The following CEP295NL variants were observed in gnomAD, a reference collection of about 807,000 sequenced individuals.
CEP295NL encodes the protein protein DDC8 homolog.
A neutral mutation model predicts 4.6 loss-of-function variants in CEP295NL; 3 were observed. The observed-to-expected ratio is 0.65, with a 90% CI of 0.30 to 1.69. CEP295NL has a LOEUF of 1.69. Ranked by LOEUF, CEP295NL falls within the 40% of genes most tolerant of loss-of-function variation. The probability of loss-of-function intolerance (pLI) is 0.10; values close to 1 mark genes in which losing one functional copy is unlikely to be tolerated. For synonymous variants in CEP295NL, 295 were observed against 312.2 expected (o/e 0.94, Z 0.58); for missense variants, 719 against 769.0 (o/e 0.93, Z 0.77).
intron 2 of CEP295NL, among the ~76,000 whole-genome samples, chr17:78,895,517 G>A (rs1039763927): frequency 6.6e-6 from 1 of 152,182 alleles, no homozygotes; most frequent in African/African-American, 2.4e-5. Context: ...TTGGAACCCT[G>A]TGCACGCTGC....
At chr17:78,894,922 T>G (rs1317750569) in intron 2 of CEP295NL, among the ~76,000 whole-genome samples, 1 of 152,166 alleles carries the variant, frequency 6.6e-6, no homozygotes, top group Non-Finnish European at 1.5e-5. Flanking sequence ...AACAGAAGAC[T>G]TGAATCCAGA....
chr17:78,891,714 C>T lies in CEP295NL; in HGVS notation c.790G>A (p.Gly264Arg), dbSNP rs1377694991. ...NPLVAAVGEIGLVEEKEKGTA... is the reference protein window; with the variant it reads ...NPLVAAVGEIRLVEEKEKGTA... ...CCTTTCTCTTTTTCCTCCACAAGCC[C>T]GATTTCTCCCACAGCAGCCACGAGT... Residue 264 changes from glycine (G) to arginine (R), a missense_variant, in exon 3 of 3, where the codon GGG (glycine) becomes AGG (arginine). Transcript: ENST00000322630. The surrounding 1 kb of genome is among the most constrained non-coding windows in gnomAD (Gnocchi z 4.5). The T allele has an allele frequency of 3.2e-6, 5 of 1,551,178 alleles. No homozygotes were observed. Among genetic ancestry groups the T allele is most frequent in the East Asian group, 4.9e-5 (2 of 40,916 alleles).
intron 2 of CEP295NL, among the ~76,000 whole-genome samples, chr17:78,894,743 G>T (rs1489591387): frequency 6.6e-6 from 1 of 151,800 alleles, no homozygotes; most frequent in Non-Finnish European, 1.5e-5. Context: ...GTCAGGCAAA[G>T]ATTTCTTAGA....
chr17:78,891,836 C>T lies in CEP295NL; in HGVS notation c.668G>A (p.Arg223Lys). The change falls in exon 3 of 3, where the codon AGA (arginine) becomes AAA (lysine). Residue 223 changes from arginine to lysine, a missense_variant. Arg to Lys is a conservative substitution (Grantham distance 26). Coordinates refer to ENST00000322630, the MANE Select transcript of CEP295NL (RefSeq NM_001243540.2). The surrounding 1 kb of genome is among the most constrained non-coding windows in gnomAD (Gnocchi z 4.5). Reference sequence around the variant, plus strand: ...GGTCGAAGGTTCTGGCCTTCCCTTTCTCTTCTCAGGCGGGGCCAGGTGAGA... The same window carrying T: ...GGTCGAAGGTTCTGGCCTTCCCTTTTTCTTCTCAGGCGGGGCCAGGTGAGA... ...MNSHLAPPEK[R>K]KGRPEPSTKS... 6.4e-7 allele frequency: 1 copy of T among 1,550,822 alleles called. No homozygotes were observed. Among genetic ancestry groups the T allele is most frequent in the Middle Eastern group, 1.7e-4 (1 of 5,994 alleles).
rs2069873304 is a variant in CEP295NL, at chr17:78,890,651, T to C, written c.1853A>G (p.Gln618Arg). The change falls in exon 3 of 3, where the codon CAG becomes CGG. Residue 618 changes from glutamine (Q) to arginine (R), a missense_variant. By Grantham distance (43) the Gln-to-Arg change is conservative. Transcript: ENST00000322630. ...EEARKCLREFQNIC is the reference protein window; with the variant it reads ...EEARKCLREFRNIC ...GGCCTCTCGCATTTAGCATATGTTCTGAAACTCCCGCAAGCATTTCCGGGC... is the reference window on the plus strand; with the variant it reads ...GGCCTCTCGCATTTAGCATATGTTCCGAAACTCCCGCAAGCATTTCCGGGC... 2 of 1,550,118 alleles carry C rather than the reference T, an allele frequency of 1.3e-6. No individual in the cohort carries two copies. Among genetic ancestry groups the C allele is most frequent in the African/African-American group, 1.4e-5 (1 of 73,044 alleles).
intron 2 of CEP295NL, among the ~76,000 whole-genome samples, chr17:78,893,235 ATGTGTGTGTAGGAG>A (rs1181192325): frequency 6.8e-5 from 6 of 88,058 alleles, no homozygotes; most frequent in East Asian, 3.6e-4. Flanking sequence ...GTGTGTGTGC[ATGTGTGTGTAGGAG>A]TGTGTGTGCA....
In CEP295NL at chr17:78,890,742, T is replaced by C. The variant is rs753554319; in HGVS notation, c.1762A>G (p.Met588Val). The change falls in exon 3 of 3, where the codon ATG (methionine) becomes GTG (valine). Residue 588 changes from methionine (M) to valine (V), a missense_variant. Transcript: ENST00000322630. ...SLADDDRHSQ[M>V]IRDQQQQILQ... ...ATCTGCTGCTGCTGGTCTCGGATCA[T>C]CTGACTGTGCCGGTCGTCGTCGGCG... is the stretch of plus-strand genomic sequence containing the variant. 2.6e-6 allele frequency: 4 copies of C among 1,550,544 alleles called. No individual in the cohort carries two copies. Among genetic ancestry groups the C allele is most frequent in the Admixed American group, 2.0e-5 (1 of 50,984 alleles).
At position 78,892,245 on chromosome 17, in the gene CEP295NL, C is replaced by T; in HGVS notation, c.259G>A (p.Gly87Ser). Reference protein sequence around the residue: ...RKKHKLLQARGKGDLALQRRA... With the variant: ...RKKHKLLQARSKGDLALQRRA... ...CTCTGCAGAGCGAGATCGCCTTTGC[C>T]CCGGGCTTGTAGCAATTTGTGCTTT... Residue 87 changes from glycine to serine, a missense_variant, in exon 3 of 3, where the codon GGC becomes AGC. Physicochemically the swap from Gly to Ser is moderately conservative, Grantham distance 56. Transcript: ENST00000322630. The T allele has an allele frequency of 1.3e-6, 2 of 1,550,942 alleles. No homozygotes were observed. Among genetic ancestry groups the T allele is most frequent in the South Asian group, 2.4e-5 (2 of 84,066 alleles).
Position 78,903,177 on chromosome 17 carries a change from G to C in CEP295NL, c.-142C>G, listed in dbSNP as rs1022638704. ...CTTCCCCGCCTCCACCTGCAGCCCGGCCTCTGCCCTGGCTGGCTACTCATA... is the reference window on the plus strand; with the variant it reads ...CTTCCCCGCCTCCACCTGCAGCCCGCCCTCTGCCCTGGCTGGCTACTCATA... On this transcript the variant is annotated 5_prime_UTR_variant, in exon 1 of 3. Transcript: ENST00000322630. 2 of 152,522 alleles carry C rather than the reference G, an allele frequency of 1.3e-5. No individual in the cohort carries two copies. The highest frequency in any genetic ancestry group is 4.8e-5 in the African/African-American group (2 of 41,486). The allele number at this position is 152,522 out of a possible 1,614,324, so 9.4% of individuals were successfully genotyped here.
At position 78,890,903 on chromosome 17, in the gene CEP295NL, T is replaced by TA; in HGVS notation, c.1600dup (p.Tyr534LeufsTer4). The TA allele has an allele frequency of 1.3e-6, 2 of 1,550,748 alleles. No individual in the cohort carries two copies. Among genetic ancestry groups the TA allele is most frequent in the East Asian group, 2.4e-5 (1 of 40,910 alleles). On this transcript the variant is annotated frameshift_variant, in exon 3 of 3. Coordinates refer to ENST00000322630, the MANE Select transcript of CEP295NL (RefSeq NM_001243540.2). LOFTEE classifies it low-confidence loss of function (END_TRUNC). ...CCTCTCTTTTTCTAGCTCAGCTTTG[T>TA]AGTGGATTTCCAAGCTCATATCTGG...
chr17:78,901,399 G>A (rs937549589), intron 2 of CEP295NL: 3 of 261,122 alleles, frequency 1.1e-5, no homozygotes, highest in African/African-American at 6.7e-5. Flanking sequence ...GAGCAAATCT[G>A]AACGAGGGAG....
rs1175114554 is a variant in CEP295NL, at chr17:78,890,877, T to TC, written c.1626dup (p.Arg543GlufsTer26). On this transcript the variant is annotated frameshift_variant, in exon 3 of 3. Coordinates refer to ENST00000322630, the MANE Select transcript of CEP295NL (RefSeq NM_001243540.2). LOFTEE classifies it low-confidence loss of function (END_TRUNC). ...GCCAGTCGAGCTCTTCTTTGCTCCC[T>TC]CCTCTCTTTTTCTAGCTCAGCTTTG... 7 of 1,550,536 alleles carry TC rather than the reference T, an allele frequency of 4.5e-6. No homozygotes were observed. The African/African-American group carries it at 9.6e-5, about 21-fold the overall frequency.
chr17:78,902,169 C>G (rs757278843), intron 1 of CEP295NL, among the ~76,000 whole-genome samples: 1 of 152,124 alleles, frequency 6.6e-6, no homozygotes, highest in Non-Finnish European at 1.5e-5. Flanking sequence ...TGCAGTGGTG[C>G]GATCTCAGCT....
chr17:78,891,715 G>A lies in CEP295NL; in HGVS notation c.789C>T (p.Ile263=), dbSNP rs1452502279. The part of the protein sequence containing the change: ...SNPLVAAVGE[I]GLVEEKEKGT... ...CTTTCTCTTTTTCCTCCACAAGCCC[G>A]ATTTCTCCCACAGCAGCCACGAGTG... Residue 263 remains isoleucine (I), a synonymous_variant, in exon 3 of 3, where the codon ATC becomes ATT. Transcript: ENST00000322630. This position sits in a 1 kb window ranked among gnomAD's most constrained non-coding sequence, Gnocchi z 4.5. 24 of 1,550,962 alleles carry A rather than the reference G, an allele frequency of 1.5e-5. No homozygotes were observed. The highest frequency in any genetic ancestry group is 2.4e-5 in the East Asian group (1 of 40,926).
chr17:78,894,944 C>T (rs1259098642), intron 2 of CEP295NL, among the ~76,000 whole-genome samples: 1 of 152,132 alleles, frequency 6.6e-6, no homozygotes, highest in East Asian at 1.9e-4. Flanking sequence ...CATATGAACA[C>T]CTCTTACTAC....
chr17:78,894,790 G>A (rs559874790), intron 2 of CEP295NL, among the ~76,000 whole-genome samples: 11 of 151,782 alleles, frequency 7.2e-5, no homozygotes, highest in African/African-American at 2.4e-4. Flanking sequence ...ACAAAGAAAC[G>A]GATAAGCTGA....
Position 78,892,271 on chromosome 17 carries a change from T to C in CEP295NL, c.233A>G (p.Lys78Arg). 1 of 1,550,840 alleles carries C rather than the reference T, an allele frequency of 6.4e-7. No homozygotes were observed. Among genetic ancestry groups the C allele is most frequent in the Non-Finnish European group, 8.7e-7 (1 of 1,147,054 alleles). Residue 78 changes from lysine to arginine, a missense_variant, in exon 3 of 3, where the codon AAA (lysine) becomes AGA (arginine). Transcript: ENST00000322630. ...CCGGGCTTGTAGCAATTTGTGCTTTTTCCTCCAAAGCAGGTCTTCGTTATC... is the reference window on the plus strand; with the variant it reads ...CCGGGCTTGTAGCAATTTGTGCTTTCTCCTCCAAAGCAGGTCTTCGTTATC... Reference protein sequence around the residue: ...CPDNEDLLWRKKHKLLQARGK... With the variant: ...CPDNEDLLWRRKHKLLQARGK...
Position 78,890,978 on chromosome 17 carries a change from A to G in CEP295NL, c.1526T>C (p.Met509Thr). 6.4e-7 allele frequency: 1 copy of G among 1,550,788 alleles called. No homozygotes were observed. Among genetic ancestry groups the G allele is most frequent in the Non-Finnish European group, 8.7e-7 (1 of 1,147,078 alleles). The change falls in exon 3 of 3, where the codon ATG (methionine) becomes ACG (threonine). Residue 509 changes from methionine (M) to threonine (T), a missense_variant. Physicochemically the swap from Met to Thr is moderately conservative, Grantham distance 81 (BLOSUM62 -1). Coordinates refer to ENST00000322630, the MANE Select transcript of CEP295NL (RefSeq NM_001243540.2). ...CAGTTGTTTTTGTCTTCTCTGCTCCATCTCTGCTTTCTGCCTTTGCCTGGA... is the reference window on the plus strand; with the variant it reads ...CAGTTGTTTTTGTCTTCTCTGCTCCGTCTCTGCTTTCTGCCTTTGCCTGGA... ...TASRQRQKAEMEQRRQKQLES... is the reference protein window; with the variant it reads ...TASRQRQKAETEQRRQKQLES...
rs1432432027 is a variant in CEP295NL at position 78,896,446 on chromosome 17, T to C, written c.45-3987A>G. 6.6e-6 allele frequency among the ~76,000 whole-genome samples: 1 copy of C among 152,132 alleles called. No individual in the cohort carries two copies. Among genetic ancestry groups the C allele is most frequent in the Non-Finnish European group, 1.5e-5 (1 of 68,008 alleles). On this transcript the variant is annotated intron_variant, in intron 2 of 2. Transcript: ENST00000322630. This position sits in a 1 kb window ranked among gnomAD's most constrained non-coding sequence, Gnocchi z 4.4. ...GGACACTTGCCAATGAAGACAGCCA[T>C]GGTTCCAATCAGGGCCCTCGCTACA...
Sources: gnomAD v4.1 joint callset for allele counts (sites outside exome capture counted in the v4.1 genomes callset) on GRCh38, gnomAD v4.1.1 for gene constraint, Gnocchi (gnomAD v3.1) non-coding constraint, MANE v1.5 for transcripts, NCBI Gene and HGNC (gene_info 2026-07-23, HGNC 2026-07-21) for gene names.